The following SPRED1 variants were observed in gnomAD, a reference collection of about 807,000 sequenced individuals.
SPRED1 encodes sprouty related EVH1 domain containing 1, also known as sprouty-related, EVH1 domain-containing protein 1.
In SPRED1, 18 loss-of-function variants were observed where a neutral mutation model predicts 52.3. The ratio of observed to expected loss-of-function variants is 0.34; its 90% CI spans 0.24 to 0.51. The LOEUF is 0.51. Among genes scored for constraint, SPRED1 ranks in the 20% least tolerant of loss-of-function variants. The pLI, the probability that SPRED1 is intolerant of heterozygous loss-of-function variation, is 0.97. For synonymous variants in SPRED1, 155 were observed against 179.7 expected (o/e 0.86, Z 1.10); for missense variants, 485 against 551.0 (o/e 0.88, Z 1.20).
intron 2 of SPRED1, among the ~76,000 whole-genome samples, chr15:38,309,116 G>T (rs1216429614): frequency 2.6e-5 from 4 of 152,022 alleles, no homozygotes; most frequent in Admixed American, 2.0e-4. Context: ...TACCTTCTTT[G>T]GCGAATGTCA....
Position 38,307,802 on chromosome 15 carries a change from G to T in SPRED1, c.207+8255G>T, listed in dbSNP as rs1417215704. 2.0e-5 allele frequency among the ~76,000 whole-genome samples: 3 copies of T among 151,986 alleles called. No homozygotes were observed. The South Asian group carries it at 6.2e-4, about 31-fold the overall frequency. On this transcript the variant is annotated intron_variant, in intron 2 of 6. Coordinates refer to ENST00000299084, the MANE Select transcript of SPRED1 (RefSeq NM_152594.3). The stretch of plus-strand genomic sequence containing the variant: ...CTTACTTTAACTTTTGTGGGGAGGG[G>T]TATATTTTTGCTTATTCTTTCAGAA...
At chr15:38,269,030 C>T (rs1352790399) in intron 1 of SPRED1, among the ~76,000 whole-genome samples, 1 of 150,878 alleles carries the variant, frequency 6.6e-6, no homozygotes, top group Non-Finnish European at 1.5e-5. Flanking sequence ...AGCCCCGCTT[C>T]CCGGGTTCAC....
intron 5 of SPRED1, 149 bp from the exon 6 acceptor site, chr15:38,349,273 G>T (rs1002159507): frequency 6.6e-6 from 4 of 605,410 alleles, no homozygotes; most frequent in Non-Finnish European, 1.2e-5. Context: ...TGTGTTTTAG[G>T]TGGGGGGAAA....
chr15:38,266,596 C>T (rs559873716), intron 1 of SPRED1, among the ~76,000 whole-genome samples: 2 of 152,252 alleles, frequency 1.3e-5, no homozygotes, highest in East Asian at 1.9e-4. Flanking sequence ...AAGCCAAGAT[C>T]GTGCACTGTG....
intron 1 of SPRED1, among the ~76,000 whole-genome samples, chr15:38,274,682 G>T (rs1457892401): frequency 6.6e-6 from 1 of 152,128 alleles, no homozygotes; most frequent in Non-Finnish European, 1.5e-5. Flanking sequence ...CCTTTTTCCA[G>T]TTCAGGATAT....
intron 4 of SPRED1, among the ~76,000 whole-genome samples, chr15:38,338,515 A>C (rs1158554385): frequency 6.6e-6 from 1 of 152,124 alleles, no homozygotes; most frequent in East Asian, 1.9e-4. Flanking sequence ...GTCACAACAC[A>C]TTGGGACAGC....
At chr15:38,289,852 C>T (rs1426570202) in intron 1 of SPRED1, among the ~76,000 whole-genome samples, 1 of 152,192 alleles carries the variant, frequency 6.6e-6, no homozygotes, top group African/African-American at 2.4e-5. Flanking sequence ...ACTCTTTGGA[C>T]TTCCAACTCA....
chr15:38,253,796 C>T (rs1297339933), intron 1 of SPRED1, among the ~76,000 whole-genome samples: 2 of 152,028 alleles, frequency 1.3e-5, no homozygotes, highest in Non-Finnish European at 2.9e-5. Context: ...GGATTAAGGA[C>T]ACCTGGAGTG....
intron 5 of SPRED1, 116 bp downstream of exon 5, chr15:38,340,011 C>A: frequency 7.7e-7 from 1 of 1,291,776 alleles, no homozygotes; most frequent in South Asian, 1.3e-5. Flanking sequence ...AACAAACAAA[C>A]AAAAACCCCA....
At chr15:38,314,617 G>A (rs555417520) in intron 2 of SPRED1, among the ~76,000 whole-genome samples, 3 of 151,992 alleles carry the variant, frequency 2.0e-5, no homozygotes, top group East Asian at 1.9e-4. Context: ...GATCTAGGTA[G>A]AAGTGTGGGT....
chr15:38,322,711 T>C (rs1261451696), intron 3 of SPRED1, among the ~76,000 whole-genome samples: 2 of 152,152 alleles, frequency 1.3e-5, no homozygotes, highest in Admixed American at 6.5e-5. Context: ...GGAATAGAAA[T>C]GTACAGCTGC....
intron 2 of SPRED1, among the ~76,000 whole-genome samples, chr15:38,305,198 G>A (rs896212655): frequency 6.6e-6 from 1 of 151,980 alleles, no homozygotes. Flanking sequence ...TGGGCATGGG[G>A]GCAGACACCT....
intron 1 of SPRED1, among the ~76,000 whole-genome samples, chr15:38,281,841 T>G (rs889889980): frequency 6.6e-6 from 1 of 152,114 alleles, no homozygotes; most frequent in African/African-American, 2.4e-5. Flanking sequence ...AAGAAGAAAT[T>G]TTTGACCCCA....
intron 4 of SPRED1, among the ~76,000 whole-genome samples, chr15:38,327,740 A>G (rs1895733133): frequency 1.3e-5 from 2 of 152,240 alleles, no homozygotes; most frequent in South Asian, 4.1e-4. Context: ...AGCCAGAATC[A>G]CCCAGCTAAA....
intron 5 of SPRED1, among the ~76,000 whole-genome samples, chr15:38,346,741 A>G (rs1213924545): frequency 6.6e-6 from 1 of 152,202 alleles, no homozygotes; most frequent in East Asian, 1.9e-4. Context: ...ATTCATGTGC[A>G]TGAGTTTCTT....
chr15:38,319,492 G>A (rs941665158), intron 2 of SPRED1, among the ~76,000 whole-genome samples: 1 of 152,112 alleles, frequency 6.6e-6, no homozygotes, highest in African/African-American at 2.4e-5. Flanking sequence ...TGATTCTCCT[G>A]GCTCAGCCTC....
Position 38,316,748 on chromosome 15 carries a change from G to GGTTTTTTTTTTTTTTT in SPRED1, c.208-5493_208-5492insGTTTTTTTTTTTTTTT. ...TCTAGTTTACAATTTTCCATTATATGTTTTTTTTTTTTTTTTTTTTTTTTG... is the reference window on the plus strand; with the variant it reads ...TCTAGTTTACAATTTTCCATTATATGGTTTTTTTTTTTTTTTTTTTTTTTTTTTTTTTTTTTTTTTG... On this transcript the variant is annotated intron_variant, in intron 2 of 6. Coordinates refer to ENST00000299084, the MANE Select transcript of SPRED1 (RefSeq NM_152594.3). Among the ~76,000 whole-genome samples the GGTTTTTTTTTTTTTTT allele has an allele frequency of 7.9e-4, 33 of 41,918 alleles. 1 individual carries two copies. Among genetic ancestry groups the GGTTTTTTTTTTTTTTT allele is most frequent in the East Asian group, 3.1e-3 (2 of 654 alleles). The allele number at this position is 41,918 out of a possible 152,430, so 27.5% of individuals were successfully genotyped here.
At chr15:38,276,568 C>T (rs185006404) in intron 1 of SPRED1, among the ~76,000 whole-genome samples, 59 of 152,200 alleles carry the variant, frequency 3.9e-4, no homozygotes, top group African/African-American at 1.3e-3. Flanking sequence ...TTATTTTTCC[C>T]ATGTTTCAGG....
At chr15:38,277,890 A>C (rs11073309) in intron 1 of SPRED1, among the ~76,000 whole-genome samples, 1 of 151,248 alleles carries the variant, frequency 6.6e-6, no homozygotes, top group African/African-American at 2.4e-5. Context: ...TCATGTGTTT[A>C]TGCTTGTTCA....
Sources: gnomAD v4.1 joint callset for allele counts (sites outside exome capture counted in the v4.1 genomes callset) on GRCh38, gnomAD v4.1.1 for gene constraint, MANE v1.5 for transcripts, NCBI Gene and HGNC (gene_info 2026-07-23, HGNC 2026-07-21) for gene names.